Variants in EYS observed in about 807,000 individuals in gnomAD.
The protein encoded by EYS is protein eyes shut homolog.
A neutral mutation model predicts 282.1 loss-of-function variants in EYS; 250 were observed. The observed-to-expected ratio is 0.89, with a 90% confidence interval of 0.80 to 0.98. The LOEUF is 0.98. Among genes scored for constraint, EYS ranks in the 50% least tolerant of loss-of-function variants. The pLI is 0.00. For synonymous variants in EYS, 1,355 were observed against 1,282.9 expected, an observed-to-expected ratio of 1.06 and a Z score of -1.20; for missense variants, 4,016 against 3,709.0, an observed-to-expected ratio of 1.08 and a Z score of -2.15.
At chr6:64,831,164 T>C (rs2150028137) in intron 19 of EYS, among the ~76,000 whole-genome samples, 1 of 152,124 alleles carries the variant, frequency 6.6e-6, no homozygotes, top group South Asian at 2.1e-4. Context: ...TGCAGTCTCT[T>C]TCTTGGGAAG....
intron 41 of EYS, among the ~76,000 whole-genome samples, chr6:63,734,978 A>T (rs1270909551): frequency 6.6e-6 from 1 of 152,160 alleles, no homozygotes; most frequent in Non-Finnish European, 1.5e-5. Context: ...CACAAAATAT[A>T]TACAAATATT....
chr6:65,005,678 C>T (rs1280315171), intron 13 of EYS, among the ~76,000 whole-genome samples: 1 of 147,632 alleles, frequency 6.8e-6, no homozygotes, highest in Non-Finnish European at 1.5e-5. Context: ...GGCTTTCTAA[C>T]AACCCCCGAC....
At chr6:65,599,890 T>C (rs748562585) in intron 2 of EYS, among the ~76,000 whole-genome samples, 3 of 152,042 alleles carry the variant, frequency 2.0e-5, no homozygotes, top group Non-Finnish European at 4.4e-5. Context: ...GTCCTCAGAT[T>C]TCTACGGTTT....
chr6:64,440,416 A>G (rs954906495), intron 26 of EYS, among the ~76,000 whole-genome samples: 2 of 152,066 alleles, frequency 1.3e-5, no homozygotes, highest in African/African-American at 4.8e-5. Flanking sequence ...TAAGGTTCAA[A>G]ATAGTGCCAG....
intron 12 of EYS, among the ~76,000 whole-genome samples, chr6:65,134,818 T>C (rs1319971296): frequency 1.3e-5 from 2 of 152,064 alleles, no homozygotes; most frequent in Non-Finnish European, 2.9e-5. Context: ...AATTACATTG[T>C]GGGGCCAGAG....
intron 36 of EYS, among the ~76,000 whole-genome samples, chr6:63,842,864 AT>A (rs1362062524): frequency 6.6e-6 from 1 of 152,064 alleles, no homozygotes; most frequent in East Asian, 1.9e-4. Context: ...TAAATAGGGA[AT>A]TTTTTCCCCA....
At chr6:64,031,223 G>T (rs1268037868) in intron 33 of EYS, among the ~76,000 whole-genome samples, 7 of 152,214 alleles carry the variant, frequency 4.6e-5, no homozygotes, top group Non-Finnish European at 7.3e-5. Flanking sequence ...TTCTGGGTGG[G>T]CATGGGCTTG....
At chr6:63,938,273 C>T (rs572065502) in intron 35 of EYS, among the ~76,000 whole-genome samples, 6 of 152,230 alleles carry the variant, frequency 3.9e-5, no homozygotes, top group Non-Finnish European at 8.8e-5. Flanking sequence ...AATTATCAGG[C>T]TTGGAGTCGA....
At chr6:65,306,583 G>A (rs540251298) in intron 11 of EYS, among the ~76,000 whole-genome samples, 4 of 151,486 alleles carry the variant, frequency 2.6e-5, no homozygotes, top group South Asian at 4.2e-4. Flanking sequence ...AATGTTTCGT[G>A]TTCCGCATTA....
intron 12 of EYS, among the ~76,000 whole-genome samples, chr6:65,266,777 T>C (rs1767763532): frequency 6.6e-6 from 1 of 151,578 alleles, no homozygotes; most frequent in Non-Finnish European, 1.5e-5. Flanking sequence ...TAAAAAATTT[T>C]CAGTGTTAAT....
At chr6:65,616,176 C>T (rs960224098) in intron 2 of EYS, among the ~76,000 whole-genome samples, 1 of 152,020 alleles carries the variant, frequency 6.6e-6, no homozygotes, top group Non-Finnish European at 1.5e-5. Flanking sequence ...TTTTATTCCA[C>T]ATGTTTTACT....
chr6:65,366,690 A>G (rs957879027), intron 8 of EYS, among the ~76,000 whole-genome samples: 2 of 151,652 alleles, frequency 1.3e-5, no homozygotes, highest in Non-Finnish European at 2.9e-5. Flanking sequence ...GTGGCATAAA[A>G]CAACATTTAT....
At chr6:63,921,806 G>C (rs1764580770) in intron 35 of EYS, among the ~76,000 whole-genome samples, 1 of 152,190 alleles carries the variant, frequency 6.6e-6, no homozygotes, top group African/African-American at 2.4e-5. Flanking sequence ...GGAAAGTGTT[G>C]AGAGGTCCAT....
chr6:64,346,223 A>G (rs566833545), intron 29 of EYS, among the ~76,000 whole-genome samples: 20 of 152,090 alleles, frequency 1.3e-4, no homozygotes, highest in Non-Finnish European at 2.6e-4. Flanking sequence ...AAGGATTATA[A>G]ATCATGCTGC....
chr6:63,880,487 G>A (rs383786), intron 35 of EYS, among the ~76,000 whole-genome samples: 1 of 142,780 alleles, frequency 7.0e-6, no homozygotes, highest in African/African-American at 2.7e-5. Flanking sequence ...CTGTCTGTCT[G>A]TATCTATCTA....
intron 29 of EYS, among the ~76,000 whole-genome samples, chr6:64,348,350 T>G (rs1186411462): frequency 6.6e-6 from 1 of 151,522 alleles, no homozygotes; most frequent in Admixed American, 6.6e-5. Context: ...AGCAAAGAGA[T>G]AATGTTGGAT....
chr6:64,518,466 T>C lies in EYS; in HGVS notation c.5644+71757A>G, dbSNP rs115813408. 3.7e-3 allele frequency among the ~76,000 whole-genome samples: 555 copies of C among 151,962 alleles called. 4 individuals carry two copies. The highest frequency in any genetic ancestry group is 0.013 in the African/African-American group (535 of 41,504). ...TAAGTTGAAATGTATGGTATGTATATGTACTGCTGAAGAACTCTCTTGTAA... is the reference window on the plus strand; with the variant it reads ...TAAGTTGAAATGTATGGTATGTATACGTACTGCTGAAGAACTCTCTTGTAA... On this transcript the variant is annotated intron_variant, in intron 26 of 42. Transcript: ENST00000503581.
At chr6:65,099,092 A>G (rs1031729420) in intron 12 of EYS, among the ~76,000 whole-genome samples, 2 of 150,714 alleles carry the variant, frequency 1.3e-5, no homozygotes, top group Non-Finnish European at 3.0e-5. Flanking sequence ...ATATATATCT[A>G]TATATATACA....
chr6:65,467,513 A>G (rs1765047082), intron 5 of EYS, among the ~76,000 whole-genome samples: 1 of 151,882 alleles, frequency 6.6e-6, no homozygotes, highest in Non-Finnish European at 1.5e-5. Context: ...AAACACACAC[A>G]CACACACATA....
Sources: allele counts gnomAD v4.1 joint callset (sites outside exome capture counted in the v4.1 genomes callset), GRCh38; gene constraint gnomAD v4.1.1; transcripts MANE v1.5; gene names NCBI Gene and HGNC (gene_info 2026-07-23, HGNC 2026-07-21).